The following ARHGEF6 variants were observed in gnomAD, a reference collection of about 807,000 sequenced individuals.
ARHGEF6 encodes the protein Rac/Cdc42 guanine nucleotide exchange factor 6.
In ARHGEF6, 9 loss-of-function variants were observed where a neutral mutation model predicts 70.3. That is an observed-to-expected ratio of 0.13 (90% CI 0.08 to 0.22). The LOEUF (loss-of-function observed/expected upper bound fraction) is 0.22, where lower values mean the gene tolerates loss of function less well. Ranked by LOEUF, ARHGEF6 falls within the 10% of genes least tolerant of loss-of-function variation. The probability of loss-of-function intolerance (pLI) is 1.00; values close to 1 mark genes in which losing one functional copy is unlikely to be tolerated. For synonymous variants in ARHGEF6, 201 were observed against 207.8 expected, an observed-to-expected ratio of 0.97 and a Z score of 0.28; for missense variants, 470 against 563.0, an observed-to-expected ratio of 0.83 and a Z score of 1.67.
At chrX:136,724,160 A>T (rs1169629995) in intron 6 of ARHGEF6, among the ~76,000 whole-genome samples, 3 of 106,771 alleles carry the variant, frequency 2.8e-5, no homozygotes, top group African/African-American at 1.0e-4. Flanking sequence ...GCTCAATGCA[A>T]CCTCTGCCTC....
At position 136,701,793 on chromosome X, in the gene ARHGEF6, C is replaced by T. The variant is rs185046768; in HGVS notation, c.1046+5115G>A. ...CGCCATCTTGGCTCACTGCAAGCTC[C>T]GCCTCCCGGGTTCACGCCATTCTCC... On this transcript the variant is annotated intron_variant, in intron 9 of 21. Transcript: ENST00000250617. Among the ~76,000 whole-genome samples, 900 of 103,664 alleles carry T rather than the reference C, an allele frequency of 8.7e-3. 1 individual carries two copies. The highest frequency in any genetic ancestry group is 0.013 in the Non-Finnish European group (655 of 50,803). The allele number at this position is 103,664 out of a possible 115,157, so 90.0% of individuals were successfully genotyped here.
intron 14 of ARHGEF6, among the ~76,000 whole-genome samples, chrX:136,681,366 AG>A (rs1444969109): frequency 8.9e-6 from 1 of 112,305 alleles, no homozygotes. Flanking sequence ...ACCAACAGTC[AG>A]GCCACTACAT....
intron 9 of ARHGEF6, among the ~76,000 whole-genome samples, chrX:136,691,240 A>G (rs1273001442): frequency 8.9e-6 from 1 of 111,848 alleles, no homozygotes; most frequent in African/African-American, 3.3e-5. Context: ...TGTATCACCC[A>G]CTTGTAATGT....
intron 2 of ARHGEF6, among the ~76,000 whole-genome samples, chrX:136,778,045 C>T (rs2077420491): frequency 9.0e-6 from 1 of 111,424 alleles, no homozygotes. Flanking sequence ...GTGTACACTG[C>T]TCAAGTGATG....
Position 136,713,294 on chromosome X carries a change from G to T in ARHGEF6, c.809C>A (p.Pro270His), listed in dbSNP as rs1308937756. The T allele has an allele frequency of 8.3e-7, 1 of 1,201,143 alleles. No homozygotes were observed. Among genetic ancestry groups the T allele is most frequent in the Non-Finnish European group, 1.1e-6 (1 of 888,117 alleles). ...LQSLLVTYLR[P>H]LQSNNNLSTV... ...ATCTTACTTGTTATTGGACTGCAGG[G>T]GTCTTAAGTAAGTAACAAGAAGAGA... Residue 270 changes from proline (P) to histidine (H), a missense_variant, in exon 7 of 22, where the codon CCC becomes CAC. Physicochemically the swap from Pro to His is moderately conservative, Grantham distance 77. This residue lies in a region of ARHGEF6 where 379 missense variants were observed against 449.3 expected (regional missense o/e 0.84). Coordinates refer to ENST00000250617, the MANE Select transcript of ARHGEF6 (RefSeq NM_004840.3).
chrX:136,694,836 C>A (rs191717417), intron 9 of ARHGEF6, among the ~76,000 whole-genome samples: 479 of 111,846 alleles, frequency 4.3e-3, no homozygotes, highest in Non-Finnish European at 6.9e-3. Flanking sequence ...CAAATATATG[C>A]AAATATGGGG....
chrX:136,766,968 C>G (rs1373712501), intron 2 of ARHGEF6, among the ~76,000 whole-genome samples: 1 of 112,336 alleles, frequency 8.9e-6, no homozygotes, highest in African/African-American at 3.2e-5. Context: ...CTTCCCGGCA[C>G]CCTGGATCTC....
At chrX:136,754,596 AC>A (rs55742987) in intron 2 of ARHGEF6, among the ~76,000 whole-genome samples, 2,520 of 30,555 alleles carry the variant, frequency 0.082, 172 homozygotes, top group African/African-American at 0.27. Flanking sequence ...AAAAAAAAAA[AC>A]AACGAAAGAA....
intron 21 of ARHGEF6, among the ~76,000 whole-genome samples, chrX:136,668,544 T>TATC (rs1297531941): frequency 2.8e-4 from 30 of 106,768 alleles, no homozygotes; most frequent in Non-Finnish European, 3.7e-4. Context: ...TTATTATTAT[T>TATC]ATTATTATTA....
In ARHGEF6 at chrX:136,713,572, T is replaced by C. The variant is rs964599755; in HGVS notation, c.733-202A>G. On this transcript the variant is annotated intron_variant, in intron 6 of 21. Transcript: ENST00000250617. Reference sequence around the variant, plus strand: ...ATTATTGCATGACAACTGGTTATATTGCACAATTCATATGAATACAATTTT... The same window carrying C: ...ATTATTGCATGACAACTGGTTATATCGCACAATTCATATGAATACAATTTT... Among the ~76,000 whole-genome samples the C allele has an allele frequency of 4.4e-5, 5 of 112,399 alleles. No homozygotes were observed. In the Admixed American group the frequency reaches 4.7e-4, roughly 11 times the overall value.
At chrX:136,686,717 T>C (rs1415732722) in intron 11 of ARHGEF6, among the ~76,000 whole-genome samples, 4 of 77,377 alleles carry the variant, frequency 5.2e-5, no homozygotes, top group African/African-American at 2.0e-4. Flanking sequence ...TACATATATA[T>C]ATATATATAT....
chrX:136,709,793 C>T (rs1040929869), intron 7 of ARHGEF6, among the ~76,000 whole-genome samples: 3 of 111,579 alleles, frequency 2.7e-5, no homozygotes, highest in Non-Finnish European at 5.7e-5. Context: ...GGTGAAACCC[C>T]GTCTGTACTA....
chrX:136,746,753 G>A (rs1472210753), intron 3 of ARHGEF6, among the ~76,000 whole-genome samples: 2 of 111,375 alleles, frequency 1.8e-5, no homozygotes, highest in Non-Finnish European at 3.8e-5. Context: ...TTGGGCAACT[G>A]TTGGCCTGAC....
chrX:136,778,814 A>G (rs1389813022), intron 2 of ARHGEF6, among the ~76,000 whole-genome samples: 4 of 111,997 alleles, frequency 3.6e-5, no homozygotes, highest in African/African-American at 1.3e-4. Flanking sequence ...TGAGTTGGCT[A>G]TTAGCATGTC....
At chrX:136,741,641 T>A (rs1402067872) in intron 5 of ARHGEF6, among the ~76,000 whole-genome samples, 1 of 110,236 alleles carries the variant, frequency 9.1e-6, no homozygotes, top group Non-Finnish European at 1.9e-5. Flanking sequence ...TAGAAGTAAC[T>A]AATAAGCCCT....
chrX:136,707,788 A>G (rs1182626098), intron 8 of ARHGEF6, among the ~76,000 whole-genome samples: 1 of 111,838 alleles, frequency 8.9e-6, no homozygotes, highest in African/African-American at 3.3e-5. Flanking sequence ...TTAAGCTTAA[A>G]TAACAGGTAA....
intron 18 of ARHGEF6, among the ~76,000 whole-genome samples, chrX:136,675,682 A>AT (rs1171534340): frequency 4.6e-5 from 5 of 108,415 alleles, no homozygotes; most frequent in Non-Finnish European, 7.7e-5. Context: ...CACCCGGCTA[A>AT]TTTTTTTTGT....
intron 2 of ARHGEF6, among the ~76,000 whole-genome samples, chrX:136,760,897 T>A (rs2077258609): frequency 8.9e-6 from 1 of 112,419 alleles, no homozygotes; most frequent in Non-Finnish European, 1.9e-5. Context: ...AAGACAAAAA[T>A]TAAACTAGTT....
intron 12 of ARHGEF6, among the ~76,000 whole-genome samples, chrX:136,684,954 G>T (rs1318519149): frequency 1.8e-5 from 2 of 111,755 alleles, no homozygotes; most frequent in East Asian, 2.8e-4. Flanking sequence ...GTTGTTCTAT[G>T]ACTGTGGACT....
Sources: allele counts gnomAD v4.1 joint callset (sites outside exome capture counted in the v4.1 genomes callset), GRCh38; gene constraint gnomAD v4.1.1; regional missense constraint gnomAD v4.1.1; transcripts MANE v1.5; gene names NCBI Gene and HGNC (gene_info 2026-07-23, HGNC 2026-07-21).